The following GRHL2 variants were observed in gnomAD, a reference collection of about 807,000 sequenced individuals.
The protein encoded by GRHL2 is grainyhead-like protein 2 homolog.
GRHL2 carries 21 observed loss-of-function variants against 83.8 expected under a neutral mutation model. The ratio of observed to expected loss-of-function variants is 0.25; its 90% CI spans 0.18 to 0.36. The LOEUF is 0.36. Ranked by LOEUF, GRHL2 falls within the 10% of genes least tolerant of loss-of-function variation. The probability of loss-of-function intolerance (pLI) is 1.00; values close to 1 mark genes in which losing one functional copy is unlikely to be tolerated. For missense variants in GRHL2, 623 were observed against 781.8 expected, an observed-to-expected ratio of 0.80 and a Z score of 2.42; for synonymous variants, 280 against 278.9, an observed-to-expected ratio of 1.00 and a Z score of -0.04.
intron 4 of GRHL2, among the ~76,000 whole-genome samples, chr8:101,569,905 A>G (rs929620488): frequency 3.3e-5 from 5 of 152,246 alleles, no homozygotes; most frequent in Admixed American, 3.3e-4. Context: ...ACCCTATACA[A>G]TCTTGCTTCA....
At chr8:101,541,990 G>A (rs1811163485) in intron 1 of GRHL2, among the ~76,000 whole-genome samples, 1 of 152,024 alleles carries the variant, frequency 6.6e-6, no homozygotes, top group Non-Finnish European at 1.5e-5. Flanking sequence ...TTCTGTTGTA[G>A]CACAGGATCT....
chr8:101,577,358 C>A, intron 6 of GRHL2, 50 bp from the exon 7 acceptor site: 1 of 1,129,660 alleles, frequency 8.9e-7, no homozygotes, highest in Non-Finnish European at 1.3e-6. Flanking sequence ...GAGACTGAGG[C>A]AACAGAGGCA....
At chr8:101,612,520 G>GATACATACATACATACATAC (rs58026460) in intron 8 of GRHL2, among the ~76,000 whole-genome samples, 7 of 123,678 alleles carry the variant, frequency 5.7e-5, no homozygotes, top group East Asian at 2.4e-4. Flanking sequence ...TAGATAGATA[G>GATACATACATACATACATAC]ATACATACAT....
At chr8:101,672,484 C>A (rs555402357), downstream of GRHL2, among the ~76,000 whole-genome samples, 1 of 151,416 alleles carries the variant, frequency 6.6e-6, no homozygotes, top group Admixed American at 6.6e-5. Flanking sequence ...TGAAATGAAG[C>A]GAGAAGGGAA....
intron 7 of GRHL2, among the ~76,000 whole-genome samples, chr8:101,590,747 A>G (rs1014319695): frequency 2.0e-5 from 3 of 152,102 alleles, no homozygotes; most frequent in Admixed American, 6.5e-5. Context: ...TATATAAACT[A>G]TGTCGAGCTC....
intron 13 of GRHL2, among the ~76,000 whole-genome samples, chr8:101,648,252 G>A (rs761930931): frequency 7.9e-5 from 12 of 152,178 alleles, no homozygotes; most frequent in East Asian, 1.9e-4. Flanking sequence ...CAGCTGTCAC[G>A]TCTGTGGGAC....
intron 7 of GRHL2, among the ~76,000 whole-genome samples, chr8:101,596,118 TC>T (rs1330854497): frequency 1.3e-5 from 1 of 79,978 alleles, no homozygotes; most frequent in Non-Finnish European, 2.5e-5. Flanking sequence ...GGACTCCGTC[TC>T]AAAAAATAAA....
chr8:101,555,582 A>G (rs1025990862), intron 3 of GRHL2, among the ~76,000 whole-genome samples: 1 of 152,182 alleles, frequency 6.6e-6, no homozygotes, highest in Non-Finnish European at 1.5e-5. Context: ...GGGTTTTGGC[A>G]TCCTCCAACT....
rs368746158 is a variant in GRHL2 at position 101,608,589 on chromosome 8, G to C, written c.1098+9438G>C. On this transcript the variant is annotated intron_variant, in intron 8 of 15. Transcript: ENST00000646743. ...TAGAAGAGGTCTGAAGAGAGAGGCA[G>C]CTCCATTTTTTATTTTTCTACATTT... Among the ~76,000 whole-genome samples, 278 of 143,076 alleles carry C rather than the reference G, an allele frequency of 1.9e-3. 1 individual carries two copies. Among genetic ancestry groups the C allele is most frequent in the African/African-American group, 7.6e-3 (260 of 34,042 alleles). The allele number at this position is 143,076 out of a possible 152,430, so 93.9% of individuals were successfully genotyped here. A position where few individuals can be genotyped will look rare whatever the true frequency, so the allele number is the denominator to read the frequency against.
At chr8:101,559,353 C>CAAAAAAAAAAAAAAAAAAAAAAAAAAAAA (rs34176940) in intron 4 of GRHL2, among the ~76,000 whole-genome samples, 2 of 88,942 alleles carry the variant, frequency 2.2e-5, no homozygotes, top group African/African-American at 8.3e-5. Context: ...ACTAAAAATA[C>CAAAAAAAAAAAAAAAAAAAAAAAAAAAAA]AAAAAAAAAA....
At chr8:101,633,603 T>G (rs1033674249) in intron 11 of GRHL2, among the ~76,000 whole-genome samples, 2 of 152,218 alleles carry the variant, frequency 1.3e-5, no homozygotes, top group African/African-American at 4.8e-5. Context: ...TAGCTGTTTC[T>G]TAAAACACAT....
chr8:101,652,359 G>GA (rs1563626759), intron 14 of GRHL2, among the ~76,000 whole-genome samples: 6,430 of 50,456 alleles, frequency 0.13, 1,402 homozygotes, highest in African/African-American at 0.24. Context: ...GGTGTGTGTG[G>GA]TGTGTGTGTG....
chr8:101,680,049 T>A, the GRHL2 span, among the ~76,000 whole-genome samples: 2 of 117,466 alleles, frequency 1.7e-5, no homozygotes, highest in African/African-American at 7.3e-5. Flanking sequence ...ATCATCATAA[T>A]GACAGGATCA....
chr8:101,545,277 T>A (rs1487122594), intron 2 of GRHL2, among the ~76,000 whole-genome samples: 1 of 152,122 alleles, frequency 6.6e-6, no homozygotes, highest in Non-Finnish European at 1.5e-5. Flanking sequence ...ATTGGCAGAT[T>A]GTGACCACCC....
Position 101,511,696 on chromosome 8 carries a change from T to C in GRHL2, c.20+18907T>C, listed in dbSNP as rs1586406573. Among the ~76,000 whole-genome samples, 5 of 152,218 alleles carry C rather than the reference T, an allele frequency of 3.3e-5. 1 individual carries two copies. Among genetic ancestry groups the C allele is most frequent in the African/African-American group, 1.2e-4 (5 of 41,576 alleles). On this transcript the variant is annotated intron_variant, in intron 1 of 15. Transcript: ENST00000646743. ...TTTTTTAAATATCTTCTAGGTTTTA[T>C]GCCTTGCTTAAGAAGGCTTTCTCTG...
intron 12 of GRHL2, among the ~76,000 whole-genome samples, chr8:101,641,101 T>G (rs1563621010): frequency 6.6e-6 from 1 of 152,182 alleles, no homozygotes; most frequent in African/African-American, 2.4e-5. Context: ...TAACAGTTAC[T>G]AAATCTATGT....
intron 2 of GRHL2, among the ~76,000 whole-genome samples, chr8:101,550,608 TATAAC>T (rs1210263308): frequency 1.3e-5 from 2 of 152,232 alleles, no homozygotes; most frequent in Non-Finnish European, 2.9e-5. Context: ...ATAAAAGATA[TATAAC>T]ATAAGATTTA....
intron 1 of GRHL2, among the ~76,000 whole-genome samples, chr8:101,509,219 GTGT>G (rs766442801): frequency 3.7e-5 from 2 of 53,584 alleles, no homozygotes; most frequent in African/African-American, 9.2e-5. Flanking sequence ...TTGTGTGTGT[GTGT>G]GTGTGTGTGT....
intron 14 of GRHL2, among the ~76,000 whole-genome samples, chr8:101,657,158 A>AAG: frequency 6.6e-6 from 1 of 152,288 alleles, no homozygotes; most frequent in Non-Finnish European, 1.5e-5. Context: ...ATTTACAAGC[A>AAG]AGAGTCCACT....
Sources: allele counts gnomAD v4.1 joint callset (sites outside exome capture counted in the v4.1 genomes callset), GRCh38; gene constraint gnomAD v4.1.1; transcripts MANE v1.5; gene names NCBI Gene and HGNC (gene_info 2026-07-23, HGNC 2026-07-21).